MIR2052HG: variants seen among roughly 807,000 people sequenced by gnomAD.
The protein encoded by MIR2052HG is MIR2052 host gene.
At chr8:74,677,232 A>C (rs888692133) in intron 2 of MIR2052HG, among the ~76,000 whole-genome samples, 1 of 152,036 alleles carries the variant, frequency 6.6e-6, no homozygotes, top group Non-Finnish European at 1.5e-5. Flanking sequence ...TCATAAACAC[A>C]TCACCATCAT....
intron 4 of MIR2052HG, among the ~76,000 whole-genome samples, chr8:74,746,567 A>AGT (rs72103010): frequency 0.29 from 43,461 of 147,470 alleles, 7,077 homozygotes; most frequent in South Asian, 0.37. Flanking sequence ...GAGGAGAAGA[A>AGT]GTGTGTGTGT....
chr8:74,703,461 A>G (rs1331191805), intron 3 of MIR2052HG: 3 of 265,570 alleles, frequency 1.1e-5, no homozygotes, highest in Non-Finnish European at 2.2e-5. Flanking sequence ...CAAGCTAACA[A>G]TAATTCCTAG....
At chr8:74,651,760 T>C (rs1421668682) in intron 2 of MIR2052HG, among the ~76,000 whole-genome samples, 1 of 152,100 alleles carries the variant, frequency 6.6e-6, no homozygotes, top group East Asian at 1.9e-4. Context: ...CCACATTTCT[T>C]AATTAGTTGA....
chr8:74,629,920 T>C (rs902690036), intron 2 of MIR2052HG, among the ~76,000 whole-genome samples: 1 of 152,196 alleles, frequency 6.6e-6, no homozygotes, highest in Non-Finnish European at 1.5e-5. Context: ...GATGTCCTCA[T>C]GACTCCCTCA....
At chr8:74,673,910 T>TATATATACATAC (rs1485340799) in intron 2 of MIR2052HG, among the ~76,000 whole-genome samples, 1 of 133,224 alleles carries the variant, frequency 7.5e-6, no homozygotes, top group African/African-American at 3.4e-5. Flanking sequence ...TATATATATA[T>TATATATACATAC]ACACACACAA....
Position 74,709,688 on chromosome 8 carries a change from T to G in MIR2052HG, n.371+6006T>G, listed in dbSNP as rs913227511. ...AATTAGAAGTTCATTAGGGAATTTT[T>G]TGTGTGTGTCACACATTACTTAGCA... On this transcript the variant is annotated intron_variant and non_coding_transcript_variant, in intron 4 of 6. Transcript: ENST00000523442. Among the ~76,000 whole-genome samples the G allele has an allele frequency of 2.6e-5, 4 of 152,182 alleles. No homozygotes were observed. The South Asian group carries it at 6.2e-4, about 24-fold the overall frequency.
chr8:74,655,127 T>C (rs1031776677), intron 2 of MIR2052HG, among the ~76,000 whole-genome samples: 5 of 152,170 alleles, frequency 3.3e-5, no homozygotes, highest in African/African-American at 1.2e-4. Context: ...CAGTAGAGCA[T>C]TCAAGAGGTG....
At chr8:74,644,283 G>A (rs545583167) in intron 2 of MIR2052HG, among the ~76,000 whole-genome samples, 4 of 152,106 alleles carry the variant, frequency 2.6e-5, no homozygotes, top group Admixed American at 1.3e-4. Context: ...TTATAATACC[G>A]TATTTTTGCT....
At chr8:74,684,709 G>T (rs886215612) in intron 2 of MIR2052HG, among the ~76,000 whole-genome samples, 4 of 152,076 alleles carry the variant, frequency 2.6e-5, no homozygotes, top group Non-Finnish European at 4.4e-5. Flanking sequence ...ATTAGTTTGG[G>T]TTAAGAACCA....
chr8:74,643,059 C>T (rs1313700157), intron 2 of MIR2052HG, among the ~76,000 whole-genome samples: 1 of 152,174 alleles, frequency 6.6e-6, no homozygotes, highest in Non-Finnish European at 1.5e-5. Context: ...TTACCTTACA[C>T]ATTTTCAGAT....
intron 4 of MIR2052HG, among the ~76,000 whole-genome samples, chr8:74,738,105 T>TTATG (rs756618957): frequency 1.0e-3 from 150 of 145,054 alleles, no homozygotes; most frequent in Middle Eastern, 3.5e-3. Flanking sequence ...TATGTATCTG[T>TTATG]TATGTATGTA....
intron 4 of MIR2052HG, among the ~76,000 whole-genome samples, chr8:74,724,970 C>G (rs1195287186): frequency 1.3e-5 from 2 of 152,052 alleles, no homozygotes; most frequent in Non-Finnish European, 2.9e-5. Context: ...CTGAGGTATG[C>G]CTGTCTCCCC....
At chr8:74,725,896 GA>G (rs35489513) in intron 4 of MIR2052HG, among the ~76,000 whole-genome samples, 29,353 of 151,534 alleles carry the variant, frequency 0.19, 3,117 homozygotes, top group Middle Eastern at 0.3. Flanking sequence ...TGAGGAGTGG[GA>G]AAAAAAACAG....
intron 2 of MIR2052HG, among the ~76,000 whole-genome samples, chr8:74,666,167 G>A (rs760585469): frequency 5.9e-5 from 9 of 152,058 alleles, no homozygotes; most frequent in Non-Finnish European, 1.3e-4. Context: ...TTTCTCATGG[G>A]ACTCCTGATT....
intron 2 of MIR2052HG, among the ~76,000 whole-genome samples, chr8:74,685,258 T>G (rs1809168555): frequency 2.0e-5 from 3 of 152,172 alleles, no homozygotes; most frequent in African/African-American, 7.2e-5. Flanking sequence ...TAATTTCACT[T>G]GAAAAAAGAT....
At chr8:74,600,971 A>G (rs1214768031) in intron 1 of MIR2052HG, among the ~76,000 whole-genome samples, 1 of 152,180 alleles carries the variant, frequency 6.6e-6, no homozygotes, top group Non-Finnish European at 1.5e-5. Context: ...TTCTTTCCAC[A>G]ATATTCTTTG....
intron 2 of MIR2052HG, among the ~76,000 whole-genome samples, chr8:74,613,503 G>A (rs931474373): frequency 4.6e-5 from 7 of 151,556 alleles, no homozygotes; most frequent in South Asian, 2.1e-4. Flanking sequence ...TTTTTCACCC[G>A]AGACAGAGTC....
intron 2 of MIR2052HG, chr8:74,612,968 A>G (rs1172652678): frequency 2.2e-6 from 1 of 455,404 alleles, no homozygotes; most frequent in African/African-American, 2.0e-5. Flanking sequence ...GTGCAGCTGC[A>G]CTGTGTGGGA....
At chr8:74,732,714 A>C (rs939283454) in intron 4 of MIR2052HG, among the ~76,000 whole-genome samples, 1 of 152,182 alleles carries the variant, frequency 6.6e-6, no homozygotes, top group Non-Finnish European at 1.5e-5. Context: ...AGACCTGAAT[A>C]AGGTAAAGGA....
Sources: gnomAD v4.1 joint callset for allele counts (sites outside exome capture counted in the v4.1 genomes callset) on GRCh38, gnomAD v4.1.1 for gene constraint, MANE v1.5 for transcripts, NCBI Gene and HGNC (gene_info 2026-07-23, HGNC 2026-07-21) for gene names.